Variants in GALNT18 observed in about 807,000 individuals in gnomAD.
GALNT18 encodes the protein polypeptide N-acetylgalactosaminyltransferase 18.
GALNT18 carries 44 observed loss-of-function variants against 69.5 expected under a neutral mutation model. The ratio of observed to expected loss-of-function variants is 0.63; its 90% CI spans 0.50 to 0.81. GALNT18 has a LOEUF of 0.81. GALNT18 is among the 40% of genes least tolerant of loss of function. GALNT18 has a pLI of 0.00. For synonymous variants in GALNT18, 364 were observed against 318.2 expected (o/e 1.14, Z -1.53); for missense variants, 715 against 810.0 (o/e 0.88, Z 1.42).
At position 11,461,418 on chromosome 11, in the gene GALNT18, C is replaced by T. The variant is rs116895225; in HGVS notation, c.236-12482G>A. ...ACTATATAAAGTACATGTGAAAAAA[C>T]TCATTTTAGAGAGTGACAAATGTCT... is the stretch of plus-strand genomic sequence containing the variant. On this transcript the variant is annotated intron_variant, in intron 1 of 10. Coordinates refer to ENST00000227756, the MANE Select transcript of GALNT18 (RefSeq NM_198516.3). The surrounding 1 kb of genome is among the most constrained non-coding windows in gnomAD (Gnocchi z 4.1). Among the ~76,000 whole-genome samples, 8 of 152,188 alleles carry T rather than the reference C, an allele frequency of 5.3e-5. No individual in the cohort carries two copies. In the South Asian group the frequency reaches 1.7e-3, roughly 32 times the overall value.
intron 6 of GALNT18, among the ~76,000 whole-genome samples, chr11:11,344,293 A>G (rs75381785): frequency 0.062 from 9,427 of 151,918 alleles, 386 homozygotes; most frequent in South Asian, 0.13. Flanking sequence ...TGCACATGCA[A>G]TGACGTACCC....
chr11:11,463,851 C>G lies in GALNT18; in HGVS notation c.236-14915G>C, dbSNP rs995679162. Among the ~76,000 whole-genome samples, 17 of 152,300 alleles carry G rather than the reference C, an allele frequency of 1.1e-4. No homozygotes were observed. In the East Asian group the frequency reaches 1.7e-3, roughly 16 times the overall value. ...GAAACCTTTATGCTGTCTCGACGCT[C>G]TGTATTATGAATGCAGTATGTGTCC... On this transcript the variant is annotated intron_variant, in intron 1 of 10. Coordinates refer to ENST00000227756, the MANE Select transcript of GALNT18 (RefSeq NM_198516.3). The surrounding 1 kb of genome is among the most constrained non-coding windows in gnomAD (Gnocchi z 4.2).
At position 11,619,114 on chromosome 11, in the gene GALNT18, A is replaced by C. The variant is rs1860126337; in HGVS notation, c.235+2245T>G. Among the ~76,000 whole-genome samples the C allele has an allele frequency of 6.6e-6, 1 of 152,126 alleles. No homozygotes were observed. The highest frequency in any genetic ancestry group is 2.4e-5 in the African/African-American group (1 of 41,424). ...TTGGTCATTGCTACACCATCATGGC[A>C]CAGCCAACCTGGTAACCTCTGCCCC... On this transcript the variant is annotated intron_variant, in intron 1 of 10. Coordinates refer to ENST00000227756, the MANE Select transcript of GALNT18 (RefSeq NM_198516.3). This position sits in a 1 kb window ranked among gnomAD's most constrained non-coding sequence, Gnocchi z 4.9.
intron 10 of GALNT18, among the ~76,000 whole-genome samples, chr11:11,286,988 G>A (rs1456225739): frequency 6.6e-6 from 1 of 152,140 alleles, no homozygotes; most frequent in Non-Finnish European, 1.5e-5. Flanking sequence ...CAGCTGTGGA[G>A]CCTTTGACAA....
rs4909996 is a variant in GALNT18, at chr11:11,404,651, G to A, written c.596-25387C>T. Among the ~76,000 whole-genome samples, 101,508 of 152,036 alleles carry A rather than the reference G, an allele frequency of 0.67. 34,977 individuals are homozygous for A. The highest frequency in any genetic ancestry group is 0.77 in the Non-Finnish European group (52,019 of 67,998). On this transcript the variant is annotated intron_variant, in intron 3 of 10. Coordinates refer to ENST00000227756, the MANE Select transcript of GALNT18 (RefSeq NM_198516.3). This position sits in a 1 kb window ranked among gnomAD's most constrained non-coding sequence, Gnocchi z 4.5. The stretch of plus-strand genomic sequence containing the variant: ...TTCCTCTCAAGCTTTACTGCCCGCA[G>A]CCATATTCTCATTCAAATGGGACTC...
In GALNT18 at chr11:11,616,339, G is replaced by A. The variant is rs1490314014; in HGVS notation, c.235+5020C>T. ...AATGCTGGCCAGGCTCCATGACTTT[G>A]GTACAATAAGACACTGTTGGTGGCT... On this transcript the variant is annotated intron_variant, in intron 1 of 10. Coordinates refer to ENST00000227756, the MANE Select transcript of GALNT18 (RefSeq NM_198516.3). The surrounding 1 kb of genome is among the most constrained non-coding windows in gnomAD (Gnocchi z 4.4). Among the ~76,000 whole-genome samples the A allele has an allele frequency of 6.6e-6, 1 of 152,136 alleles. No individual in the cohort carries two copies.
Position 11,373,762 on chromosome 11 carries a change from G to A in GALNT18, c.978-1133C>T, listed in dbSNP as rs141411434. On this transcript the variant is annotated intron_variant, in intron 5 of 10. Coordinates refer to ENST00000227756, the MANE Select transcript of GALNT18 (RefSeq NM_198516.3). The stretch of plus-strand genomic sequence containing the variant: ...AATGATTCACATGAGGTGAGTTAGC[G>A]TGAGAGCACGGGGCTACTTCTCTGC... Among the ~76,000 whole-genome samples the A allele has an allele frequency of 6.0e-3, 909 of 152,336 alleles. 3 individuals are homozygous for A. Among genetic ancestry groups the A allele is most frequent in the Non-Finnish European group, 1.0e-2 (679 of 68,030 alleles).
At chr11:11,488,522 A>G (rs1856690156) in intron 1 of GALNT18, among the ~76,000 whole-genome samples, 1 of 152,152 alleles carries the variant, frequency 6.6e-6, no homozygotes, top group Non-Finnish European at 1.5e-5. Flanking sequence ...TATTCAGATT[A>G]TGGAGATTAG....
At chr11:11,360,394 T>C (rs956340053) in intron 6 of GALNT18, among the ~76,000 whole-genome samples, 11 of 152,252 alleles carry the variant, frequency 7.2e-5, no homozygotes, top group African/African-American at 2.7e-4. Context: ...CACATTAACC[T>C]GAATTATGCT....
Position 11,367,978 on chromosome 11 carries a change from T to C in GALNT18, c.1092+4537A>G, listed in dbSNP as rs111746401. Among the ~76,000 whole-genome samples the C allele has an allele frequency of 9.8e-4, 149 of 152,328 alleles. 1 individual carries two copies. Among genetic ancestry groups the C allele is most frequent in the Non-Finnish European group, 1.5e-3 (101 of 68,024 alleles). On this transcript the variant is annotated intron_variant, in intron 6 of 10. Coordinates refer to ENST00000227756, the MANE Select transcript of GALNT18 (RefSeq NM_198516.3). Reference sequence around the variant, plus strand: ...TAAACCTAGGATCTGCCTGAATGTTTAGCTCTAGAAGAAAGAGATACAAGC... The same window carrying C: ...TAAACCTAGGATCTGCCTGAATGTTCAGCTCTAGAAGAAAGAGATACAAGC...
intron 1 of GALNT18, among the ~76,000 whole-genome samples, chr11:11,512,930 C>A (rs1025368642): frequency 1.3e-5 from 2 of 152,158 alleles, no homozygotes; most frequent in Non-Finnish European, 2.9e-5. Context: ...TGTCTGTGTG[C>A]GTGGTACCTG....
chr11:11,315,772 G>A lies in GALNT18; in HGVS notation c.1512+11314C>T, dbSNP rs774740938. Among the ~76,000 whole-genome samples, 17 of 152,152 alleles carry A rather than the reference G, an allele frequency of 1.1e-4. No homozygotes were observed. In the East Asian group the frequency reaches 3.3e-3, roughly 29 times the overall value. The stretch of plus-strand genomic sequence containing the variant: ...CTTGCCCCCGTCATACATGTGGTAC[G>A]GGCAGAACTGGGCCTGGACCCCCAG... On this transcript the variant is annotated intron_variant, in intron 9 of 10. Coordinates refer to ENST00000227756, the MANE Select transcript of GALNT18 (RefSeq NM_198516.3). This position sits in a 1 kb window ranked among gnomAD's most constrained non-coding sequence, Gnocchi z 5.6.
At chr11:11,484,177 T>G (rs1856593009) in intron 1 of GALNT18, among the ~76,000 whole-genome samples, 1 of 152,012 alleles carries the variant, frequency 6.6e-6, no homozygotes, top group Non-Finnish European at 1.5e-5. Context: ...AGCTGCTGAG[T>G]GCTGGAGTCA....
chr11:11,413,864 C>G lies in GALNT18; in HGVS notation c.595+18757G>C, dbSNP rs769028927. On this transcript the variant is annotated intron_variant, in intron 3 of 10. Coordinates refer to ENST00000227756, the MANE Select transcript of GALNT18 (RefSeq NM_198516.3). This position sits in a 1 kb window ranked among gnomAD's most constrained non-coding sequence, Gnocchi z 4.7. Reference sequence around the variant, plus strand: ...GCTCTGTTCAGCAGTGCCCATCTATCCAAATGCCCCCTAAAGATCGTCCCT... The same window carrying G: ...GCTCTGTTCAGCAGTGCCCATCTATGCAAATGCCCCCTAAAGATCGTCCCT... Among the ~76,000 whole-genome samples the G allele has an allele frequency of 1.4e-4, 21 of 152,356 alleles. No homozygotes were observed. The Middle Eastern group carries it at 0.014, about 99-fold the overall frequency.
chr11:11,565,764 T>C (rs1452873520), intron 1 of GALNT18, among the ~76,000 whole-genome samples: 2 of 152,208 alleles, frequency 1.3e-5, no homozygotes, highest in African/African-American at 2.4e-5. Flanking sequence ...TGGTCAGTGC[T>C]ACAACATCAG....
chr11:11,378,129 A>C (rs910321302), intron 4 of GALNT18, among the ~76,000 whole-genome samples: 1 of 152,238 alleles, frequency 6.6e-6, no homozygotes, highest in African/African-American at 2.4e-5. Context: ...ACAAGTGGCA[A>C]GCAGGGACTT....
At chr11:11,390,398 A>C (rs1337301564) in intron 3 of GALNT18, among the ~76,000 whole-genome samples, 1 of 152,156 alleles carries the variant, frequency 6.6e-6, no homozygotes, top group Non-Finnish European at 1.5e-5. Flanking sequence ...CTTGGGGCAA[A>C]GACACAGGGG....
chr11:11,428,830 G>C (rs1301376786), intron 3 of GALNT18, among the ~76,000 whole-genome samples: 4 of 151,126 alleles, frequency 2.6e-5, no homozygotes, highest in African/African-American at 4.9e-5. Flanking sequence ...GAAAATAGCA[G>C]AGTGCTTTGC....
chr11:11,593,145 C>T (rs1466937317), intron 1 of GALNT18, among the ~76,000 whole-genome samples: 2 of 152,170 alleles, frequency 1.3e-5, no homozygotes, highest in African/African-American at 4.8e-5. Context: ...GATATCCTGA[C>T]CTCGTGATCC....
Sources: allele counts gnomAD v4.1 joint callset (sites outside exome capture counted in the v4.1 genomes callset), GRCh38; gene constraint gnomAD v4.1.1; non-coding constraint Gnocchi (gnomAD v3.1); transcripts MANE v1.5; gene names NCBI Gene and HGNC (gene_info 2026-07-23, HGNC 2026-07-21).